The following SRBD1 variants were observed in gnomAD, a reference collection of about 807,000 sequenced individuals.
SRBD1 encodes the protein S1 RNA binding domain 1.
SRBD1 carries 88 observed loss-of-function variants against 115.3 expected under a neutral mutation model. The ratio of observed to expected loss-of-function variants is 0.76; its 90% CI spans 0.64 to 0.91. The LOEUF is 0.91. Among genes scored for constraint, SRBD1 ranks in the 40% least tolerant of loss-of-function variants. The pLI is 0.00. For missense variants in SRBD1, 1,385 were observed against 1,177.4 expected, an observed-to-expected ratio of 1.18 and a Z score of -2.58; for synonymous variants, 509 against 407.7, an observed-to-expected ratio of 1.25 and a Z score of -2.99.
chr2:45,523,292 A>G (rs1326241668), intron 14 of SRBD1, among the ~76,000 whole-genome samples: 6 of 148,364 alleles, frequency 4.0e-5, no homozygotes, highest in African/African-American at 9.9e-5. Flanking sequence ...AAAAAAAAAA[A>G]GCAAACTAAA....
chr2:45,429,937 G>C (rs1192160143), intron 16 of SRBD1, among the ~76,000 whole-genome samples: 1 of 152,182 alleles, frequency 6.6e-6, no homozygotes, highest in East Asian at 1.9e-4. Flanking sequence ...AGCAACTTCA[G>C]CAAAGTCTCA....
intron 16 of SRBD1, among the ~76,000 whole-genome samples, chr2:45,461,504 TACA>T (rs957959427): frequency 6.6e-5 from 10 of 152,322 alleles, no homozygotes; most frequent in African/African-American, 2.4e-4. Context: ...TTTATGAGTA[TACA>T]ACAAGTGCTT....
intron 16 of SRBD1, among the ~76,000 whole-genome samples, chr2:45,465,314 C>T (rs765789363): frequency 2.0e-5 from 3 of 152,076 alleles, no homozygotes; most frequent in Non-Finnish European, 4.4e-5. Context: ...ATGCAACTAT[C>T]CTTTTTTTCC....
chr2:45,522,073 A>G (rs764400371), intron 14 of SRBD1, among the ~76,000 whole-genome samples: 9 of 152,222 alleles, frequency 5.9e-5, no homozygotes, highest in Non-Finnish European at 1.2e-4. Context: ...CACAATAGCC[A>G]GTAGGTGAAA....
chr2:45,508,296 A>C (rs1193774249), intron 14 of SRBD1, among the ~76,000 whole-genome samples: 5 of 152,220 alleles, frequency 3.3e-5, no homozygotes, highest in African/African-American at 1.2e-4. Context: ...CTGGCAATAT[A>C]ATCTCATACT....
At chr2:45,557,625 A>C (rs185660778) in intron 10 of SRBD1, among the ~76,000 whole-genome samples, 2 of 152,200 alleles carry the variant, frequency 1.3e-5, no homozygotes, top group African/African-American at 4.8e-5. Context: ...TACATTATAG[A>C]AACTCCTTTT....
chr2:45,440,694 C>G (rs1046759197), intron 16 of SRBD1, among the ~76,000 whole-genome samples: 3 of 152,194 alleles, frequency 2.0e-5, no homozygotes, highest in East Asian at 3.9e-4. Flanking sequence ...TTAGAAAAAT[C>G]AAGAGTGCAA....
At chr2:45,494,885 G>A (rs1191716152) in intron 14 of SRBD1, among the ~76,000 whole-genome samples, 2 of 152,166 alleles carry the variant, frequency 1.3e-5, no homozygotes, top group African/African-American at 4.8e-5. Context: ...CCATCTGGTG[G>A]AGGACAAGTT....
intron 16 of SRBD1, among the ~76,000 whole-genome samples, chr2:45,466,009 G>C (rs1191450431): frequency 1.3e-5 from 2 of 152,262 alleles, no homozygotes; most frequent in African/African-American, 4.8e-5. Context: ...CAGAAATACT[G>C]AATATCTACC....
chr2:45,598,474 C>T lies in SRBD1; in HGVS notation c.648+975G>A, dbSNP rs538162989. 4.3e-4 allele frequency among the ~76,000 whole-genome samples: 65 copies of T among 151,854 alleles called. No individual in the cohort carries two copies. In the South Asian group the frequency reaches 5.2e-3, roughly 12 times the overall value. On this transcript the variant is annotated intron_variant, in intron 4 of 20. Coordinates refer to ENST00000263736, the MANE Select transcript of SRBD1 (RefSeq NM_018079.5). ...CTAAAAATACGAAAAATTAGCCGGG[C>T]GTGGTGGCAGGTGCCTGTAGTCCCA...
chr2:45,517,844 T>G (rs1671167248), intron 14 of SRBD1, among the ~76,000 whole-genome samples: 1 of 152,012 alleles, frequency 6.6e-6, no homozygotes. Context: ...AAAACATTTT[T>G]TTTTTAATTA....
chr2:45,547,878 A>T (rs2104037326), intron 12 of SRBD1, among the ~76,000 whole-genome samples: 1 of 152,302 alleles, frequency 6.6e-6, no homozygotes, highest in South Asian at 2.1e-4. Flanking sequence ...GGTTTTCACT[A>T]ACATCTAACA....
In SRBD1 at chr2:45,422,991, T is replaced by C. The variant is rs545598640; in HGVS notation, c.2050-3097A>G. Reference sequence around the variant, plus strand: ...TGATAGTGACAAAATTGAGAGAAAATGTTGACTCCAATCAGTAATCTCTGA... The same window carrying C: ...TGATAGTGACAAAATTGAGAGAAAACGTTGACTCCAATCAGTAATCTCTGA... On this transcript the variant is annotated intron_variant, in intron 16 of 20. Coordinates refer to ENST00000263736, the MANE Select transcript of SRBD1 (RefSeq NM_018079.5). 7.2e-5 allele frequency among the ~76,000 whole-genome samples: 11 copies of C among 152,214 alleles called. No individual in the cohort carries two copies. In the South Asian group the frequency reaches 1.7e-3, roughly 23 times the overall value.
intron 19 of SRBD1, among the ~76,000 whole-genome samples, chr2:45,407,855 T>C (rs149157899): frequency 2.5e-4 from 38 of 152,098 alleles, no homozygotes; most frequent in African/African-American, 8.9e-4. Context: ...AAAGAACTCA[T>C]ACATAAATAA....
chr2:45,611,046 G>C (rs2104281105), intron 1 of SRBD1, among the ~76,000 whole-genome samples, 173 bp downstream of exon 1: 1 of 152,314 alleles, frequency 6.6e-6, no homozygotes, highest in East Asian at 1.9e-4. Flanking sequence ...CGGGTGGTCG[G>C]TTGTGAGAGA....
chr2:45,469,295 C>T (rs990015226), intron 16 of SRBD1, among the ~76,000 whole-genome samples: 27 of 152,042 alleles, frequency 1.8e-4, no homozygotes, highest in African/African-American at 6.0e-4. Flanking sequence ...GTTTTAAACA[C>T]TGAAAGTAAC....
chr2:45,530,527 T>A (rs944852033), intron 14 of SRBD1, among the ~76,000 whole-genome samples: 3 of 152,076 alleles, frequency 2.0e-5, no homozygotes, highest in Admixed American at 1.3e-4. Flanking sequence ...ATCTTAACTT[T>A]CTAAGCAATA....
chr2:45,464,495 A>G lies in SRBD1; in HGVS notation c.2049+12498T>C, dbSNP rs575267452. Among the ~76,000 whole-genome samples, 5 of 152,336 alleles carry G rather than the reference A, an allele frequency of 3.3e-5. No individual in the cohort carries two copies. In the East Asian group the frequency reaches 9.6e-4, roughly 29 times the overall value. On this transcript the variant is annotated intron_variant, in intron 16 of 20. Transcript: ENST00000263736. ...AATAAACAAGTAACAGCCCTCATAA[A>G]AGGTCAATTAATAAAGAGCTGTAAG... is the stretch of plus-strand genomic sequence containing the variant.
At chr2:45,522,251 C>A (rs1359053637) in intron 14 of SRBD1, among the ~76,000 whole-genome samples, 5 of 152,130 alleles carry the variant, frequency 3.3e-5, no homozygotes, top group Admixed American at 3.3e-4. Context: ...GCATGCACTG[C>A]AACCTCGACC....
Sources: allele counts gnomAD v4.1 joint callset (sites outside exome capture counted in the v4.1 genomes callset), GRCh38; gene constraint gnomAD v4.1.1; transcripts MANE v1.5; gene names NCBI Gene and HGNC (gene_info 2026-07-23, HGNC 2026-07-21).